The following SAMD5 variants were observed in gnomAD, a reference collection of about 807,000 sequenced individuals.
SAMD5 encodes sterile alpha motif domain containing 5, also known as sterile alpha motif domain-containing protein 5.
SAMD5 carries 13 observed loss-of-function variants against 11.3 expected under a neutral mutation model. That is an observed-to-expected ratio of 1.15 (90% CI 0.75 to 1.83). The LOEUF (loss-of-function observed/expected upper bound fraction) is 1.83, where lower values mean the gene tolerates loss of function less well. SAMD5 is among the 40% of genes most tolerant of loss of function. The pLI, the probability that SAMD5 is intolerant of heterozygous loss-of-function variation, is 0.00. For missense variants in SAMD5, 255 were observed against 239.1 expected, an observed-to-expected ratio of 1.07 and a Z score of -0.44; for synonymous variants, 129 against 111.3, an observed-to-expected ratio of 1.16 and a Z score of -1.00.
chr6:147,853,293 G>T, the SAMD5 span, among the ~76,000 whole-genome samples: 1 of 152,124 alleles, frequency 6.6e-6, no homozygotes, highest in Non-Finnish European at 1.5e-5. Flanking sequence ...TCTCAAGGAA[G>T]GGAAGGGAAA....
chr6:147,790,770 TTCTC>T, the SAMD5 span, among the ~76,000 whole-genome samples: 1,532 of 87,806 alleles, frequency 0.017, 22 homozygotes, highest in Admixed American at 0.025. Flanking sequence ...CTCTCTCTCT[TTCTC>T]TCTCTCTCTC....
the SAMD5 span, among the ~76,000 whole-genome samples, chr6:147,873,061 A>T: frequency 2.0e-5 from 3 of 152,172 alleles, no homozygotes; most frequent in Non-Finnish European, 4.4e-5. Flanking sequence ...CTTAAATATG[A>T]TGAGAAACTA....
the SAMD5 span, among the ~76,000 whole-genome samples, chr6:147,878,391 C>T: frequency 6.6e-6 from 1 of 151,634 alleles, no homozygotes; most frequent in African/African-American, 2.4e-5. Context: ...TGAAGTTTTA[C>T]TATCATGGCC....
At chr6:147,756,711 G>T in the SAMD5 span, among the ~76,000 whole-genome samples, 10 of 152,172 alleles carry the variant, frequency 6.6e-5, no homozygotes, top group African/African-American at 2.2e-4. Flanking sequence ...CTGCGCTCGC[G>T]CAGTTATTTG....
chr6:147,824,079 G>T, the SAMD5 span, among the ~76,000 whole-genome samples: 1 of 152,200 alleles, frequency 6.6e-6, no homozygotes. Context: ...TGAGCCAAAT[G>T]GATTTCCTCA....
At chr6:147,916,393 T>C in the SAMD5 span, among the ~76,000 whole-genome samples, 1 of 152,260 alleles carries the variant, frequency 6.6e-6, no homozygotes, top group East Asian at 1.9e-4. Context: ...TTCCTATTTT[T>C]CCACATCCTC....
intron 1 of SAMD5, among the ~76,000 whole-genome samples, chr6:147,642,734 G>A (rs546718663): frequency 3.2e-4 from 48 of 152,218 alleles, no homozygotes; most frequent in Admixed American, 9.8e-4. Context: ...TGCAATCCCA[G>A]TCTTACTATA....
the SAMD5 span, among the ~76,000 whole-genome samples, chr6:147,798,535 G>A: frequency 9.2e-5 from 14 of 151,582 alleles, no homozygotes; most frequent in Non-Finnish European, 5.9e-5. Context: ...TGAAAAAAAT[G>A]TATATTCTGT....
At chr6:147,934,296 G>T in the SAMD5 span, among the ~76,000 whole-genome samples, 23 of 152,284 alleles carry the variant, frequency 1.5e-4, no homozygotes, top group Admixed American at 2.6e-4. Context: ...TTTATGTAAA[G>T]TACCAAATGT....
chr6:147,546,101 G>A (rs755762498), intron 1 of SAMD5, among the ~76,000 whole-genome samples: 3 of 152,110 alleles, frequency 2.0e-5, no homozygotes, highest in South Asian at 2.1e-4. Flanking sequence ...TGGCTCCTGC[G>A]AAGTCCTTAG....
At chr6:147,799,897 G>C in the SAMD5 span, among the ~76,000 whole-genome samples, 5 of 152,056 alleles carry the variant, frequency 3.3e-5, no homozygotes, top group South Asian at 6.2e-4. Flanking sequence ...ACGTAGTTCT[G>C]GAGCCTTGGT....
the SAMD5 span, among the ~76,000 whole-genome samples, chr6:147,891,091 C>A: frequency 6.6e-6 from 1 of 152,000 alleles, no homozygotes; most frequent in South Asian, 2.1e-4. Context: ...TTCAAAATAA[C>A]CTTACATAAG....
chr6:147,912,770 C>T, the SAMD5 span, among the ~76,000 whole-genome samples: 27 of 151,850 alleles, frequency 1.8e-4, no homozygotes, highest in African/African-American at 2.2e-4. Context: ...TCACCAGGAA[C>T]GGATACAGAG....
chr6:147,541,448 T>A (rs1788602561), intron 1 of SAMD5, among the ~76,000 whole-genome samples: 2 of 152,132 alleles, frequency 1.3e-5, no homozygotes, highest in Non-Finnish European at 2.9e-5. Context: ...AAGCTCAAAC[T>A]TTTTCCCGTT....
intron 1 of SAMD5, among the ~76,000 whole-genome samples, chr6:147,716,490 CCTG>C (rs1791469245): frequency 1.3e-5 from 2 of 152,362 alleles, no homozygotes; most frequent in East Asian, 3.9e-4. Context: ...AGGCGGGACT[CCTG>C]CCTGTTCCTG....
intron 1 of SAMD5, among the ~76,000 whole-genome samples, chr6:147,529,444 A>G (rs892216216): frequency 1.3e-5 from 2 of 152,206 alleles, no homozygotes; most frequent in African/African-American, 2.4e-5. Flanking sequence ...ATCTTCTAGA[A>G]TTGAACATTC....
the SAMD5 span, among the ~76,000 whole-genome samples, chr6:147,833,717 G>T: frequency 6.6e-6 from 1 of 152,188 alleles, no homozygotes; most frequent in East Asian, 1.9e-4. Context: ...TTTCAATCAA[G>T]AAATACTTTT....
At chr6:147,642,437 C>T (rs1790326917) in intron 1 of SAMD5, among the ~76,000 whole-genome samples, 1 of 152,094 alleles carries the variant, frequency 6.6e-6, no homozygotes, top group Non-Finnish European at 1.5e-5. Flanking sequence ...TCACAAAGCT[C>T]TAAGTTAGGT....
the SAMD5 span, among the ~76,000 whole-genome samples, chr6:147,843,593 A>G: frequency 1.3e-5 from 2 of 152,204 alleles, no homozygotes. Flanking sequence ...ATTTCTAAAC[A>G]TATTACAAAG....
Sources: gnomAD v4.1 joint callset for allele counts (sites outside exome capture counted in the v4.1 genomes callset) on GRCh38, gnomAD v4.1.1 for gene constraint, MANE v1.5 for transcripts, NCBI Gene and HGNC (gene_info 2026-07-23, HGNC 2026-07-21) for gene names.